The following MACROD2 variants were observed in gnomAD, a reference collection of about 807,000 sequenced individuals.
The protein encoded by MACROD2 is ADP-ribose glycohydrolase MACROD2.
Under a neutral mutation model 70.4 loss-of-function variants are expected in MACROD2, and 36 were observed. The ratio of observed to expected loss-of-function variants is 0.51; its 90% CI spans 0.39 to 0.68. MACROD2 has a LOEUF of 0.68. Among genes scored for constraint, MACROD2 ranks in the 30% least tolerant of loss-of-function variants. MACROD2 has a pLI of 0.00. For synonymous variants in MACROD2, 172 were observed against 178.8 expected, an observed-to-expected ratio of 0.96 and a Z score of 0.30; for missense variants, 496 against 538.4, an observed-to-expected ratio of 0.92 and a Z score of 0.78.
chr20:14,846,824 G>A (rs776858735), intron 5 of MACROD2, among the ~76,000 whole-genome samples: 1 of 150,894 alleles, frequency 6.6e-6, no homozygotes, highest in Non-Finnish European at 1.5e-5. Context: ...GCCTTAATAT[G>A]TAATTTTTAA....
chr20:15,182,293 G>A (rs752407360), intron 5 of MACROD2, among the ~76,000 whole-genome samples: 6 of 152,182 alleles, frequency 3.9e-5, no homozygotes, highest in Non-Finnish European at 8.8e-5. Flanking sequence ...GGTTGTTGGA[G>A]CAATAAAGCT....
At chr20:15,680,370 G>T (rs2050144434) in intron 8 of MACROD2, among the ~76,000 whole-genome samples, 1 of 152,154 alleles carries the variant, frequency 6.6e-6, no homozygotes, top group Non-Finnish European at 1.5e-5. Flanking sequence ...GGATTTTACT[G>T]CTGCTTCCTT....
chr20:15,417,489 C>T (rs1462838354), intron 6 of MACROD2, among the ~76,000 whole-genome samples: 1 of 150,326 alleles, frequency 6.7e-6, no homozygotes, highest in Non-Finnish European at 1.5e-5. Flanking sequence ...TTCCCAACTA[C>T]TGGGGAGGCT....
rs532153723 is a variant in MACROD2 at position 15,901,474 on chromosome 20, T to A, written c.775+15663T>A. Among the ~76,000 whole-genome samples the A allele has an allele frequency of 2.6e-5, 4 of 152,326 alleles. No individual in the cohort carries two copies. In the East Asian group the frequency reaches 7.7e-4, roughly 29 times the overall value. On this transcript the variant is annotated intron_variant, in intron 10 of 17. Transcript: ENST00000684519. ...CCACAGCCCCCAGTCAGCCGCACCATCACGACGGTAAACAACTGATACCGC... is the reference window on the plus strand; with the variant it reads ...CCACAGCCCCCAGTCAGCCGCACCAACACGACGGTAAACAACTGATACCGC...
chr20:15,122,310 T>A (rs962118533), intron 5 of MACROD2, among the ~76,000 whole-genome samples: 2 of 152,178 alleles, frequency 1.3e-5, no homozygotes, highest in Non-Finnish European at 2.9e-5. Context: ...CCACCATTAT[T>A]GGTGCCCTCA....
chr20:15,760,794 A>C (rs1010265065), intron 8 of MACROD2, among the ~76,000 whole-genome samples: 2 of 152,210 alleles, frequency 1.3e-5, no homozygotes, highest in East Asian at 1.9e-4. Context: ...TGTGGTTCAA[A>C]AGGGACCAAA....
At chr20:14,640,857 G>T in intron 4 of MACROD2, among the ~76,000 whole-genome samples, 1 of 152,186 alleles carries the variant, frequency 6.6e-6, no homozygotes, top group Admixed American at 6.5e-5. Context: ...TGCAGGTGGA[G>T]GCTCTTGCCT....
chr20:14,514,057 A>C (rs1419744686), intron 4 of MACROD2, among the ~76,000 whole-genome samples: 1 of 152,050 alleles, frequency 6.6e-6, no homozygotes, highest in Non-Finnish European at 1.5e-5. Context: ...TCTCTTTCTC[A>C]CTGGACTTAC....
At chr20:14,809,791 G>A (rs540256344) in intron 5 of MACROD2, among the ~76,000 whole-genome samples, 1 of 152,186 alleles carries the variant, frequency 6.6e-6, no homozygotes, top group East Asian at 1.9e-4. Flanking sequence ...TACCATTAGA[G>A]AATAGTATAA....
chr20:14,091,255 C>T (rs1027911872), intron 3 of MACROD2, among the ~76,000 whole-genome samples: 1 of 152,008 alleles, frequency 6.6e-6, no homozygotes, highest in Non-Finnish European at 1.5e-5. Flanking sequence ...GAGGCTGTCC[C>T]ATTTGTCTGT....
chr20:14,230,667 G>GA lies in MACROD2; in HGVS notation c.271+144939_271+144940insA, dbSNP rs1569217422. Among the ~76,000 whole-genome samples, 2 of 23,562 alleles carry GA rather than the reference G, an allele frequency of 8.5e-5. 1 individual carries two copies. The highest frequency in any genetic ancestry group is 3.8e-3 in the East Asian group (2 of 524). The allele number at this position is 23,562 out of a possible 152,430, so 15.5% of individuals were successfully genotyped here. The stretch of plus-strand genomic sequence containing the variant: ...TATATATATATATAACACAGGCTGG[G>GA]CCTATATATATATATATATATATAT... On this transcript the variant is annotated intron_variant, in intron 3 of 17. Coordinates refer to ENST00000684519, the MANE Select transcript of MACROD2 (RefSeq NM_001351661.2).
chr20:14,776,728 G>A (rs996163031), intron 5 of MACROD2, among the ~76,000 whole-genome samples: 1 of 151,938 alleles, frequency 6.6e-6, no homozygotes, highest in Non-Finnish European at 1.5e-5. Context: ...TATACATATT[G>A]GAATGTGCAA....
chr20:14,433,421 C>A (rs886081263), intron 3 of MACROD2, among the ~76,000 whole-genome samples: 3 of 151,430 alleles, frequency 2.0e-5, no homozygotes, highest in African/African-American at 7.3e-5. Context: ...CTAGTATGAC[C>A]AATAATACAG....
chr20:15,141,702 C>T (rs1204472807), intron 5 of MACROD2, among the ~76,000 whole-genome samples: 2 of 152,094 alleles, frequency 1.3e-5, no homozygotes. Flanking sequence ...TCTTAATATT[C>T]TTTGCCACTT....
At chr20:14,569,794 G>A (rs1187582057) in intron 4 of MACROD2, among the ~76,000 whole-genome samples, 4 of 151,758 alleles carry the variant, frequency 2.6e-5, no homozygotes, top group African/African-American at 7.3e-5. Flanking sequence ...GTAGAGCTGT[G>A]AAAGAATTTG....
At chr20:14,809,100 G>T (rs975307111) in intron 5 of MACROD2, among the ~76,000 whole-genome samples, 1 of 152,036 alleles carries the variant, frequency 6.6e-6, no homozygotes, top group African/African-American at 2.4e-5. Flanking sequence ...GACATCTACA[G>T]AATTCTCCAC....
At chr20:15,500,558 A>T (rs2047352069) in intron 8 of MACROD2, among the ~76,000 whole-genome samples, 1 of 152,176 alleles carries the variant, frequency 6.6e-6, no homozygotes, top group East Asian at 1.9e-4. Flanking sequence ...GCACAGTCTT[A>T]TGCATTTTTC....
At chr20:15,134,366 T>C (rs1481916546) in intron 5 of MACROD2, among the ~76,000 whole-genome samples, 1 of 151,594 alleles carries the variant, frequency 6.6e-6, no homozygotes, top group Non-Finnish European at 1.5e-5. Context: ...TAACAAACTG[T>C]CTCTCAGACC....
At chr20:15,116,788 TA>T (rs972498517) in intron 5 of MACROD2, among the ~76,000 whole-genome samples, 6 of 152,234 alleles carry the variant, frequency 3.9e-5, no homozygotes, top group African/African-American at 1.4e-4. Flanking sequence ...ATGTTATCCA[TA>T]AAGCTTCTGG....
Sources: gnomAD v4.1 joint callset for allele counts (sites outside exome capture counted in the v4.1 genomes callset) on GRCh38, gnomAD v4.1.1 for gene constraint, MANE v1.5 for transcripts, NCBI Gene and HGNC (gene_info 2026-07-23, HGNC 2026-07-21) for gene names.